The following CFB variants were observed in gnomAD, a reference collection of about 807,000 sequenced individuals.
CFB encodes complement factor B.
CFB carries 59 observed loss-of-function variants against 97.2 expected under a neutral mutation model. That is an observed-to-expected ratio of 0.61 (90% CI 0.49 to 0.75). The LOEUF is 0.75. CFB is among the 30% of genes least tolerant of loss of function. The pLI is 0.00. For synonymous variants in CFB, 316 were observed against 351.7 expected, an observed-to-expected ratio of 0.90 and a Z score of 1.14; for missense variants, 771 against 959.8, an observed-to-expected ratio of 0.80 and a Z score of 2.60.
chr6:31,946,511 C>G lies in CFB; in HGVS notation c.203C>G (p.Pro68Arg). 1 of 1,613,062 alleles carries G rather than the reference C, an allele frequency of 6.2e-7. No homozygotes were observed. Among genetic ancestry groups the G allele is most frequent in the African/African-American group, 1.3e-5 (1 of 75,038 alleles). The change falls in exon 2 of 18, where the codon CCG becomes CGG. Residue 68 changes from proline to arginine, a missense_variant. By Grantham distance (103) the Pro-to-Arg change is moderately radical (BLOSUM62 -2). Transcript: ENST00000425368. This position sits in a 1 kb window ranked among gnomAD's most constrained non-coding sequence, Gnocchi z 6.4. ...TACGTGTGTCCTTCTGGCTTCTACC[C>G]GTACCCTGTGCAGACACGTACCTGC... ...LEYVCPSGFY[P>R]YPVQTRTCRS...
chr6:31,946,212 T>C lies in CFB; in HGVS notation c.-10T>C. The C allele has an allele frequency of 6.2e-7, 1 of 1,613,084 alleles. No homozygotes were observed. Among genetic ancestry groups the C allele is most frequent in the Non-Finnish European group, 8.5e-7 (1 of 1,180,010 alleles). On this transcript the variant is annotated 5_prime_UTR_variant, in exon 1 of 18. Coordinates refer to ENST00000425368, the MANE Select transcript of CFB (RefSeq NM_001710.6). This position sits in a 1 kb window ranked among gnomAD's most constrained non-coding sequence, Gnocchi z 6.4. Reference sequence around the variant, plus strand: ...CCCCAGGCCCAGCTTCTCTCCTGCCTTCCAACGCCATGGGGAGCAATCTCA... The same window carrying C: ...CCCCAGGCCCAGCTTCTCTCCTGCCCTCCAACGCCATGGGGAGCAATCTCA...
chr6:31,949,286 G>A lies in CFB; in HGVS notation c.1212G>A (p.Glu404=), dbSNP rs1562629500. 6.2e-7 allele frequency: 1 copy of A among 1,614,170 alleles called. No homozygotes were observed. The highest frequency in any genetic ancestry group is 8.5e-7 in the Non-Finnish European group (1 of 1,180,042). The part of the protein sequence containing the change: ...MGGDPITVID[E]IRDLLYIGKD... Reference sequence around the variant, plus strand: ...GGGACCCAATTACTGTCATTGATGAGATCCGGGACTTGCTATACATTGGCA... The same window carrying A: ...GGGACCCAATTACTGTCATTGATGAAATCCGGGACTTGCTATACATTGGCA... The change falls in exon 9 of 18, where the codon GAG becomes GAA. Residue 404 remains glutamate, a synonymous_variant. Transcript: ENST00000425368.
chr6:31,946,483 G>A lies in CFB; in HGVS notation c.175G>A (p.Glu59Lys). Residue 59 changes from glutamate (E) to lysine (K), a missense_variant, in exon 2 of 18, where the codon GAG (glutamate) becomes AAG (lysine). Glu to Lys is a moderately conservative substitution (Grantham distance 56). Transcript: ENST00000425368. The surrounding 1 kb of genome is among the most constrained non-coding windows in gnomAD (Gnocchi z 6.4). ...ACTTCTCCAAGAGGGCCAGGCACTG[G>A]AGTACGTGTGTCCTTCTGGCTTCTA... ...FRLLQEGQAL[E>K]YVCPSGFYPY... is the part of the protein sequence containing the mutation. The A allele has an allele frequency of 2.5e-6, 4 of 1,613,058 alleles. No individual in the cohort carries two copies. The South Asian group carries it at 4.4e-5, about 18-fold the overall frequency.
intron 8 of CFB, 83 bp downstream of exon 8, chr6:31,949,044 A>G: frequency 6.3e-7 from 1 of 1,596,472 alleles, no homozygotes. Flanking sequence ...GTAACACTAT[A>G]CCCATGGTTG....
In CFB at chr6:31,948,428, C is replaced by T. The variant is rs1185480704; in HGVS notation, c.952C>T (p.Pro318Ser). The change falls in exon 7 of 18, where the codon CCC becomes TCC. Residue 318 changes from proline to serine, a missense_variant. Transcript: ENST00000425368. The stretch of plus-strand genomic sequence containing the variant: ...TGGTCTAGTGACATATGCCACATAC[C>T]CCAAAATTTGGGTCAAAGTGTCTGA... ...RYGLVTYATY[P>S]KIWVKVSEAD... 6.2e-7 allele frequency: 1 copy of T among 1,614,018 alleles called. No homozygotes were observed. The highest frequency in any genetic ancestry group is 8.5e-7 in the Non-Finnish European group (1 of 1,180,028).
In CFB at chr6:31,946,195, CCA is replaced by C. The variant is rs750972403; in HGVS notation, c.-26_-25del. On this transcript the variant is annotated 5_prime_UTR_variant, in exon 1 of 18. Coordinates refer to ENST00000425368, the MANE Select transcript of CFB (RefSeq NM_001710.6). The surrounding 1 kb of genome is among the most constrained non-coding windows in gnomAD (Gnocchi z 6.4). ...CAGGACACACCATCCTGCCCCAGGCCCAGCTTCTCTCCTGCCTTCCAACGCCA... is the reference window on the plus strand; with the variant it reads ...CAGGACACACCATCCTGCCCCAGGCCGCTTCTCTCCTGCCTTCCAACGCCA... The C allele has an allele frequency of 6.2e-7, 1 of 1,612,730 alleles. No individual in the cohort carries two copies. Among genetic ancestry groups the C allele is most frequent in the Non-Finnish European group, 8.5e-7 (1 of 1,179,684 alleles).
rs1771774494 is a variant in CFB at position 31,951,625 on chromosome 6, C to T, written c.2139+21C>T. ...TTCAAGTGAGTCCTCCCTTTCCTAT[C>T]TGGGGAGATGCCAAGTGGTCAGCAT... is the stretch of plus-strand genomic sequence containing the variant. On this transcript the variant is annotated intron_variant, in intron 17 of 17. Coordinates refer to ENST00000425368, the MANE Select transcript of CFB (RefSeq NM_001710.6). This position sits in a 1 kb window ranked among gnomAD's most constrained non-coding sequence, Gnocchi z 4.3. 1.2e-6 allele frequency: 2 copies of T among 1,614,138 alleles called. No homozygotes were observed. The highest frequency in any genetic ancestry group is 4.5e-5 in the East Asian group (2 of 44,888).
At position 31,946,426 on chromosome 6, in the gene CFB, G is replaced by A. The variant is rs1271096223; in HGVS notation, c.118G>A (p.Glu40Lys). ...LARPQGSCSL[E>K]GVEIKGGSFR... Reference sequence around the variant, plus strand: ...CCGGCCCCAGGGATCCTGCTCTCTGGAGGGGGTAGAGATCAAAGGCGGCTC... The same window carrying A: ...CCGGCCCCAGGGATCCTGCTCTCTGAAGGGGGTAGAGATCAAAGGCGGCTC... Residue 40 changes from glutamate to lysine, a missense_variant, in exon 2 of 18, where the codon GAG becomes AAG. Glu to Lys is a moderately conservative substitution (Grantham distance 56). Transcript: ENST00000425368. The surrounding 1 kb of genome is among the most constrained non-coding windows in gnomAD (Gnocchi z 6.4). The A allele has an allele frequency of 8.7e-6, 14 of 1,612,988 alleles. No individual in the cohort carries two copies. The highest frequency in any genetic ancestry group is 1.1e-5 in the Non-Finnish European group (13 of 1,180,052).
chr6:31,950,562 C>T (rs781371742), intron 12 of CFB, 57 bp from the exon 13 acceptor site: 135 of 1,610,166 alleles, frequency 8.4e-5, no homozygotes, highest in Non-Finnish European at 1.0e-4. Context: ...AGGAATGACA[C>T]GGGGCCAGAG....
At position 31,950,080 on chromosome 6, in the gene CFB, T is replaced by A; in HGVS notation, c.1439T>A (p.Met480Lys). ...DESQSLSLCGMVWEHRKGTDY... is the reference protein window; with the variant it reads ...DESQSLSLCGKVWEHRKGTDY... ...AGCCAGTCTCTGAGTCTCTGTGGCA[T>A]GGTTTGGGAACACAGGAAGGGTACC... Residue 480 changes from methionine (M) to lysine (K), a missense_variant, in exon 11 of 18, where the codon ATG becomes AAG. Transcript: ENST00000425368. 6.2e-7 allele frequency: 1 copy of A among 1,613,102 alleles called. No homozygotes were observed. Among genetic ancestry groups the A allele is most frequent in the Non-Finnish European group, 8.5e-7 (1 of 1,180,040 alleles).
chr6:31,949,009 C>T, intron 8 of CFB, 48 bp downstream of exon 8: 10 of 1,611,884 alleles, frequency 6.2e-6, no homozygotes, highest in Non-Finnish European at 8.5e-6. Context: ...CTTCTCAGAC[C>T]AGCATGTGGC....
Position 31,949,569 on chromosome 6 carries a change from C to A in CFB, c.1408+12C>A. On this transcript the variant is annotated intron_variant, in intron 10 of 17. Coordinates refer to ENST00000425368, the MANE Select transcript of CFB (RefSeq NM_001710.6). ...CTACCAAATGATCGGTAGGGAGATA[C>A]AAGGGAATAAAGAACACAACTCTCC... The A allele has an allele frequency of 6.2e-7, 1 of 1,612,826 alleles. No individual in the cohort carries two copies. Among genetic ancestry groups the A allele is most frequent in the East Asian group, 2.2e-5 (1 of 44,884 alleles).
chr6:31,947,712 G>A lies in CFB; in HGVS notation c.659-30G>A. 1 of 1,609,978 alleles carries A rather than the reference G, an allele frequency of 6.2e-7. No homozygotes were observed. The highest frequency in any genetic ancestry group is 8.5e-7 in the Non-Finnish European group (1 of 1,177,364). The stretch of plus-strand genomic sequence containing the variant: ...GGTCACTGTATCCCTGACACTCCCA[G>A]ACATTTGACCTCATTTCTGACTCTC... On this transcript the variant is annotated intron_variant, in intron 4 of 17. Transcript: ENST00000425368. This position sits in a 1 kb window ranked among gnomAD's most constrained non-coding sequence, Gnocchi z 5.3.
At chr6:31,948,300 G>C in intron 6 of CFB, 74 bp from the exon 7 acceptor site, 6 of 1,604,404 alleles carry the variant, frequency 3.7e-6, no homozygotes, top group Non-Finnish European at 5.1e-6. Context: ...CCCTGTCCCA[G>C]CAAAGTCGCT....
rs140338493 is a variant in CFB, at chr6:31,948,050, C to T, written c.866C>T (p.Ala289Val). Residue 289 changes from alanine (A) to valine (V), a missense_variant, in exon 6 of 18, where the codon GCC (alanine) becomes GTC (valine). Transcript: ENST00000425368. ...DSIGASNFTG[A>V]KKCLVNLIEK... ...ATTGGGGCCAGCAACTTCACAGGAG[C>T]CAAAAAGTGTCTAGTCAACTTAATT... 6.2e-6 allele frequency: 10 copies of T among 1,614,098 alleles called. No individual in the cohort carries two copies. The highest frequency in any genetic ancestry group is 8.5e-6 in the Non-Finnish European group (10 of 1,180,010).
In CFB at chr6:31,950,303, C is replaced by A. The variant is rs138207668; in HGVS notation, c.1524C>A (p.His508Gln). 8 of 1,612,878 alleles carry A rather than the reference C, an allele frequency of 5.0e-6. No individual in the cohort carries two copies. The highest frequency in any genetic ancestry group is 6.8e-6 in the Non-Finnish European group (8 of 1,180,004). ...GTCCCCAGCGCCCTTCAAAGGGACA[C>A]GAGAGCTGTATGGGGGCTGTGGTGT... ...KISVIRPSKG[H>Q]ESCMGAVVSE... The change falls in exon 12 of 18, where the codon CAC becomes CAA. Residue 508 changes from histidine (H) to glutamine (Q), a missense_variant. His to Gln is a conservative substitution (Grantham distance 24, BLOSUM62 0). Coordinates refer to ENST00000425368, the MANE Select transcript of CFB (RefSeq NM_001710.6).
chr6:31,950,811 G>C, intron 13 of CFB, 39 bp downstream of exon 13: 1 of 1,613,084 alleles, frequency 6.2e-7, no homozygotes. Flanking sequence ...GCTGGGAAAG[G>C]CTGGAGGACT....
At chr6:31,948,244 T>C in intron 6 of CFB, 130 bp from the exon 7 acceptor site, 1 of 1,508,738 alleles carries the variant, frequency 6.6e-7, no homozygotes, top group Non-Finnish European at 9.1e-7. Flanking sequence ...TCTTGACTGG[T>C]AATTCCTCCA....
chr6:31,949,769 T>C (rs1319585487), intron 10 of CFB: 1 of 711,636 alleles, frequency 1.4e-6, no homozygotes. Context: ...TCTATAGTCC[T>C]ACATTTGACA....
Sources: allele counts gnomAD v4.1 joint callset, GRCh38; gene constraint gnomAD v4.1.1; non-coding constraint Gnocchi (gnomAD v3.1); transcripts MANE v1.5; gene names NCBI Gene and HGNC (gene_info 2026-07-23, HGNC 2026-07-21).